The following FHIT variants were observed in gnomAD, a reference collection of about 807,000 sequenced individuals.
The protein encoded by FHIT is bis(5'-adenosyl)-triphosphatase.
A neutral mutation model predicts 17.9 loss-of-function variants in FHIT; 19 were observed. That is an observed-to-expected ratio of 1.06 (90% CI 0.74 to 1.56). The LOEUF (loss-of-function observed/expected upper bound fraction) is 1.56, where lower values mean the gene tolerates loss of function less well. Ranked by LOEUF, FHIT falls within the 40% of genes most tolerant of loss-of-function variation. The pLI is 0.00. For missense variants in FHIT, 248 were observed against 189.2 expected (o/e 1.31, Z -1.82); for synonymous variants, 81 against 69.7 (o/e 1.16, Z -0.81).
chr3:60,565,820 T>A (rs1173018093), intron 4 of FHIT, among the ~76,000 whole-genome samples: 3 of 152,200 alleles, frequency 2.0e-5, no homozygotes, highest in Admixed American at 2.0e-4. Flanking sequence ...ATGTGTTTGC[T>A]CTTGCTTCTC....
At chr3:61,138,715 A>G (rs1000467314) in intron 2 of FHIT, among the ~76,000 whole-genome samples, 7 of 152,108 alleles carry the variant, frequency 4.6e-5, no homozygotes, top group Non-Finnish European at 1.0e-4. Flanking sequence ...TCTGGGGCCA[A>G]CCCTCATCAG....
chr3:60,316,244 T>C lies in FHIT; in HGVS notation c.103+220616A>G, dbSNP rs533327922. Reference sequence around the variant, plus strand: ...ATGTATGTGTGTGTCAAAATAATATTACTCTTTCTGGGTGTATGGCAGAAA... The same window carrying C: ...ATGTATGTGTGTGTCAAAATAATATCACTCTTTCTGGGTGTATGGCAGAAA... On this transcript the variant is annotated intron_variant, in intron 5 of 9. Transcript: ENST00000492590. Among the ~76,000 whole-genome samples, 20 of 152,320 alleles carry C rather than the reference T, an allele frequency of 1.3e-4. 1 individual carries two copies. In the East Asian group the frequency reaches 3.7e-3, roughly 28 times the overall value.
At chr3:60,537,459 C>T in intron 4 of FHIT, 1 of 983,456 alleles carries the variant, frequency 1.0e-6, no homozygotes, top group Non-Finnish European at 1.2e-6. Context: ...ACTGTCTGAC[C>T]TTGCCTACAA....
At chr3:60,124,459 T>C (rs1705448615) in intron 5 of FHIT, among the ~76,000 whole-genome samples, 1 of 152,140 alleles carries the variant, frequency 6.6e-6, no homozygotes, top group South Asian at 2.1e-4. Flanking sequence ...CCTATTCTTA[T>C]AACACAGCCC....
chr3:60,243,794 CTT>C (rs2107578035), intron 5 of FHIT, among the ~76,000 whole-genome samples: 1 of 152,014 alleles, frequency 6.6e-6, no homozygotes, highest in African/African-American at 2.4e-5. Flanking sequence ...CTAAAATAAA[CTT>C]TAACTTTTTT....
At chr3:60,806,299 A>G (rs1377422080) in intron 4 of FHIT, among the ~76,000 whole-genome samples, 2 of 152,178 alleles carry the variant, frequency 1.3e-5, no homozygotes, top group Admixed American at 6.5e-5. Flanking sequence ...TCCCAAGAAC[A>G]AATGCAAATT....
At chr3:61,045,239 T>A (rs1440277930) in intron 2 of FHIT, among the ~76,000 whole-genome samples, 1 of 152,094 alleles carries the variant, frequency 6.6e-6, no homozygotes, top group Non-Finnish European at 1.5e-5. Context: ...AGGAGACCCA[T>A]CTAACATGCA....
At chr3:60,426,797 G>C (rs1702684773) in intron 5 of FHIT, among the ~76,000 whole-genome samples, 1 of 152,130 alleles carries the variant, frequency 6.6e-6, no homozygotes, top group Non-Finnish European at 1.5e-5. Flanking sequence ...GCATGCAGTA[G>C]CATGTTCAAT....
chr3:61,018,381 C>A (rs1240508800), intron 3 of FHIT, among the ~76,000 whole-genome samples: 1 of 152,176 alleles, frequency 6.6e-6, no homozygotes, highest in East Asian at 1.9e-4. Context: ...AACCAACTTG[C>A]TGTTGGGAAT....
At chr3:60,448,098 T>C (rs1433297328) in intron 5 of FHIT, among the ~76,000 whole-genome samples, 3 of 152,166 alleles carry the variant, frequency 2.0e-5, no homozygotes, top group African/African-American at 7.2e-5. Flanking sequence ...GAAGGGACTG[T>C]CCATGGTGGA....
At chr3:60,604,211 A>C (rs2038534937) in intron 4 of FHIT, among the ~76,000 whole-genome samples, 1 of 152,174 alleles carries the variant, frequency 6.6e-6, no homozygotes, top group African/African-American at 2.4e-5. Context: ...GTAGAGAGAA[A>C]ACATAAAGAG....
Position 60,124,051 on chromosome 3 carries a change from G to GAGAGAGAC in FHIT, c.104-109900_104-109899insGTCTCTCT, listed in dbSNP as rs1559653981. ...AGAGAGAGAGAGAGAGAGAGAGAGAGAGAGACAGAGAGAGAGAGAGATACA... is the reference window on the plus strand; with the variant it reads ...AGAGAGAGAGAGAGAGAGAGAGAGAGAGAGAGACAGAGACAGAGAGAGAGAGAGATACA... On this transcript the variant is annotated intron_variant, in intron 5 of 9. Coordinates refer to ENST00000492590, the MANE Select transcript of FHIT (RefSeq NM_002012.4). 5.9e-5 allele frequency among the ~76,000 whole-genome samples: 7 copies of GAGAGAGAC among 118,776 alleles called. 1 individual carries two copies. The highest frequency in any genetic ancestry group is 2.3e-4 in the African/African-American group (7 of 30,690). The allele number at this position is 118,776 out of a possible 152,430, so 77.9% of individuals were successfully genotyped here.
At chr3:60,618,434 C>T (rs925548775) in intron 4 of FHIT, among the ~76,000 whole-genome samples, 1 of 152,112 alleles carries the variant, frequency 6.6e-6, no homozygotes, top group African/African-American at 2.4e-5. Flanking sequence ...CTCTCCCTCC[C>T]AGCAGCACCC....
chr3:59,972,765 G>A (rs1022768126), intron 7 of FHIT, among the ~76,000 whole-genome samples: 6 of 152,072 alleles, frequency 3.9e-5, no homozygotes, highest in African/African-American at 1.2e-4. Context: ...ATTCAGTACA[G>A]GTCTCAGTAG....
At chr3:59,914,202 CT>C (rs61018838) in intron 8 of FHIT, among the ~76,000 whole-genome samples, 3 of 150,736 alleles carry the variant, frequency 2.0e-5, no homozygotes, top group Admixed American at 1.3e-4. Flanking sequence ...GAGATATTTA[CT>C]TTTTTTTTGG....
At chr3:60,922,865 G>T (rs1559832180) in intron 3 of FHIT, among the ~76,000 whole-genome samples, 2 of 152,194 alleles carry the variant, frequency 1.3e-5, no homozygotes. Flanking sequence ...ATCCTACTTT[G>T]CATCCTCTCA....
chr3:61,161,272 G>A (rs1470898964), intron 2 of FHIT, among the ~76,000 whole-genome samples: 2 of 151,200 alleles, frequency 1.3e-5, no homozygotes, highest in African/African-American at 4.9e-5. Flanking sequence ...GCGCAATCTC[G>A]GCTCACTGCA....
At chr3:60,633,658 C>T (rs1553683002) in intron 4 of FHIT, among the ~76,000 whole-genome samples, 2 of 152,210 alleles carry the variant, frequency 1.3e-5, no homozygotes, top group African/African-American at 4.8e-5. Context: ...GGAAAGGAAA[C>T]TGTATGCTAC....
At chr3:61,143,685 G>A (rs147721758) in intron 2 of FHIT, among the ~76,000 whole-genome samples, 2,390 of 152,250 alleles carry the variant, frequency 0.016, 65 homozygotes, top group African/African-American at 0.054. Flanking sequence ...CACCAATAAG[G>A]TGAAACCCCA....
Sources: allele counts gnomAD v4.1 joint callset (sites outside exome capture counted in the v4.1 genomes callset), GRCh38; gene constraint gnomAD v4.1.1; transcripts MANE v1.5; gene names NCBI Gene and HGNC (gene_info 2026-07-23, HGNC 2026-07-21).